The following NUP188 variants were observed in gnomAD, a reference collection of about 807,000 sequenced individuals.
NUP188 encodes the protein nucleoporin NUP188.
Under a neutral mutation model 223.0 loss-of-function variants are expected in NUP188, and 97 were observed. The observed-to-expected ratio is 0.43, with a 90% CI of 0.37 to 0.51. The LOEUF (loss-of-function observed/expected upper bound fraction) is 0.51. NUP188 is among the 20% of genes least tolerant of loss of function. The pLI, the probability that NUP188 is intolerant of heterozygous loss-of-function variation, is 0.00. For missense variants in NUP188, 1,947 were observed against 2,175.6 expected (o/e 0.89, Z 2.09); for synonymous variants, 869 against 828.0 (o/e 1.05, Z -0.85).
At chr9:128,994,254 A>G (rs1164572048) in intron 27 of NUP188, 119 bp from the exon 28 acceptor site, 3 of 711,986 alleles carry the variant, frequency 4.2e-6, no homozygotes, top group Non-Finnish European at 7.6e-6. Context: ...GACTTATCAG[A>G]CACATATTAG....
At position 128,983,522 on chromosome 9, in the gene NUP188, C is replaced by T. The variant is rs1842286782; in HGVS notation, c.1933C>T (p.Pro645Ser). The T allele has an allele frequency of 1.2e-6, 2 of 1,613,966 alleles. No homozygotes were observed. The highest frequency in any genetic ancestry group is 1.7e-6 in the Non-Finnish European group (2 of 1,180,000). The change falls in exon 19 of 44, where the codon CCT becomes TCT. Residue 645 changes from proline (P) to serine (S), a missense_variant. Coordinates refer to ENST00000372577, the MANE Select transcript of NUP188 (RefSeq NM_015354.3). ...HTGFLPFVAH[P>S]VSSLSQMISA... ...AGGTTTTTTACCATTTGTGGCCCAT[C>T]CTGTCTCCAGCCTGAGTCAGATGAT...
Position 128,998,601 on chromosome 9 carries a change from A to G in NUP188, c.3493A>G (p.Ile1165Val). The change falls in exon 32 of 44, where the codon ATC becomes GTC. Residue 1165 changes from isoleucine (I) to valine (V), a missense_variant. Around this residue, in one of 3 missense-constraint regions of NUP188, gnomAD observed 905 missense variants for 990.6 expected, o/e 0.91. Coordinates refer to ENST00000372577, the MANE Select transcript of NUP188 (RefSeq NM_015354.3). ...CTCCATGAAGTGCACTCTGCTGCTT[A>G]TCCTCCTCCGGCAGTGGAAGAGGTG... is the stretch of plus-strand genomic sequence containing the variant. ...LGSMKCTLLL[I>V]LLRQWKRELG... The G allele has an allele frequency of 6.2e-7, 1 of 1,614,148 alleles. No homozygotes were observed. The highest frequency in any genetic ancestry group is 8.5e-7 in the Non-Finnish European group (1 of 1,180,026).
intron 5 of NUP188, 56 bp downstream of exon 5, chr9:128,957,088 T>C (rs1313115664): frequency 7.8e-7 from 1 of 1,278,314 alleles, no homozygotes; most frequent in African/African-American, 1.5e-5. Context: ...CCCTGTTGGT[T>C]TTAGATAATG....
chr9:128,952,961 TA>T, intron 3 of NUP188, 115 bp downstream of exon 3: 2 of 824,008 alleles, frequency 2.4e-6, no homozygotes, highest in Non-Finnish European at 3.9e-6. Flanking sequence ...CCAGAGATAA[TA>T]CAATTTAGTT....
Position 128,995,299 on chromosome 9 carries a change from G to GT in NUP188, c.3156-14dup, listed in dbSNP as rs1564564779. ...ATCTGCTTTCAAAATCTAACTGGAG[G>GT]TTTTTTCTTGACACTGTAGGGGTTC... On this transcript the variant is annotated intron_variant, in intron 29 of 43. Transcript: ENST00000372577. 4 of 1,600,752 alleles carry GT rather than the reference G, an allele frequency of 2.5e-6. No homozygotes were observed. The highest frequency in any genetic ancestry group is 2.2e-5 in the East Asian group (1 of 44,812).
rs566637040 is a variant in NUP188, at chr9:128,994,358, T to G, written c.3018-15T>G. ...GGGAAAAAGTTATGATTTCAAACATTTATTTCCTTTTTAGACCCAAGTTTT... is the reference window on the plus strand; with the variant it reads ...GGGAAAAAGTTATGATTTCAAACATGTATTTCCTTTTTAGACCCAAGTTTT... On this transcript the variant is annotated splice_polypyrimidine_tract_variant and intron_variant, in intron 27 of 43. Coordinates refer to ENST00000372577, the MANE Select transcript of NUP188 (RefSeq NM_015354.3). 1.3e-6 allele frequency: 2 copies of G among 1,581,810 alleles called. No homozygotes were observed. The highest frequency in any genetic ancestry group is 2.2e-5 in the East Asian group (1 of 44,682).
chr9:128,980,659 C>T lies in NUP188; in HGVS notation c.1323C>T (p.Pro441=). The change falls in exon 14 of 44, where the codon CCC becomes CCT. Residue 441 remains proline, a synonymous_variant. Transcript: ENST00000372577. ...TGGACAGTGTGTGTGGAATGTTTCCCCACCTTCTCTCCCCACTCCTGCAAC... is the reference window on the plus strand; with the variant it reads ...TGGACAGTGTGTGTGGAATGTTTCCTCACCTTCTCTCCCCACTCCTGCAAC... ...IILDSVCGMF[P]HLLSPLLQLL... is the part of the protein sequence containing the mutation. 6.2e-7 allele frequency: 1 copy of T among 1,614,060 alleles called. No individual in the cohort carries two copies. Among genetic ancestry groups the T allele is most frequent in the Non-Finnish European group, 8.5e-7 (1 of 1,179,976 alleles).
At chr9:128,984,547 A>C (rs566039424) in intron 19 of NUP188, among the ~76,000 whole-genome samples, 1 of 152,160 alleles carries the variant, frequency 6.6e-6, no homozygotes, top group Non-Finnish European at 1.5e-5. Context: ...TTAAGCCACA[A>C]TCACTCTGTA....
At chr9:129,004,985 A>G in intron 38 of NUP188, 162 bp from the exon 39 acceptor site, 1 of 649,590 alleles carries the variant, frequency 1.5e-6, no homozygotes, top group Non-Finnish European at 2.8e-6. Context: ...GGGGAGCATG[A>G]GGGAAGGAGG....
chr9:128,994,271 G>T (rs1842480400), intron 27 of NUP188, 102 bp from the exon 28 acceptor site: 1 of 787,672 alleles, frequency 1.3e-6, no homozygotes, highest in South Asian at 1.5e-5. Flanking sequence ...TTAGGATTGA[G>T]ACTGGTAAAA....
intron 38 of NUP188, 107 bp downstream of exon 38, chr9:129,003,561 G>A (rs553464952): frequency 1.4e-5 from 19 of 1,339,354 alleles, no homozygotes; most frequent in Middle Eastern, 1.8e-4. Context: ...GTTCCTGAAC[G>A]GGGGCTTTTC....
chr9:128,968,194 A>G (rs1198128006), intron 8 of NUP188, among the ~76,000 whole-genome samples: 4 of 152,156 alleles, frequency 2.6e-5, no homozygotes, highest in Non-Finnish European at 2.9e-5. Flanking sequence ...GCCATAAGCT[A>G]TAATTGTACT....
At chr9:128,992,295 C>A (rs1842447379) in intron 25 of NUP188, among the ~76,000 whole-genome samples, 1 of 152,080 alleles carries the variant, frequency 6.6e-6, no homozygotes, top group Non-Finnish European at 1.5e-5. Context: ...CAGGTTCATG[C>A]GATTCTCCTG....
chr9:128,958,885 C>T lies in NUP188; in HGVS notation c.456C>T (p.His152=), dbSNP rs17481212. The change falls in exon 7 of 44, where the codon CAC becomes CAT. Residue 152 remains histidine, a synonymous_variant. Coordinates refer to ENST00000372577, the MANE Select transcript of NUP188 (RefSeq NM_015354.3). ...TCACTTACTTCCAAGATGAAAGACA[C>T]CCCTATAGGGTAAGCTTGTTTAGTC... ...HLLTYFQDER[H]PYRVEYADCV... is the part of the protein sequence containing the mutation. The T allele has an allele frequency of 3.6e-4, 576 of 1,594,000 alleles. 3 individuals carry two copies. The East Asian group carries it at 9.9e-3, about 28-fold the overall frequency.
At chr9:129,001,399 G>C in intron 34 of NUP188, 130 bp from the exon 35 acceptor site, 1 of 738,472 alleles carries the variant, frequency 1.4e-6, no homozygotes. Context: ...TGTGCATTCT[G>C]TGTTACTCAA....
At chr9:128,983,596 C>A in intron 19 of NUP188, 46 bp downstream of exon 19, 1 of 1,265,840 alleles carries the variant, frequency 7.9e-7, no homozygotes, top group Non-Finnish European at 1.2e-6. Context: ...TAGTGAGAAC[C>A]ACATATGTCT....
intron 34 of NUP188, among the ~76,000 whole-genome samples, chr9:129,000,199 C>T (rs1842616272): frequency 6.6e-6 from 1 of 151,838 alleles, no homozygotes; most frequent in Admixed American, 6.6e-5. Flanking sequence ...TCAAGCCATC[C>T]TCCCAGTTCA....
intron 8 of NUP188, among the ~76,000 whole-genome samples, chr9:128,963,738 T>G (rs1841986448): frequency 6.6e-6 from 1 of 151,768 alleles, no homozygotes. Flanking sequence ...ACTCCTGGAT[T>G]CAAGTGATCC....
At chr9:128,980,192 G>T (rs1355507358) in intron 13 of NUP188, among the ~76,000 whole-genome samples, 2 of 152,178 alleles carry the variant, frequency 1.3e-5, no homozygotes, top group Non-Finnish European at 2.9e-5. Context: ...GTAAGATGCT[G>T]TCTGATGTTA....
Sources: allele counts gnomAD v4.1 joint callset (sites outside exome capture counted in the v4.1 genomes callset), GRCh38; gene constraint gnomAD v4.1.1; regional missense constraint gnomAD v4.1.1; transcripts MANE v1.5; gene names NCBI Gene and HGNC (gene_info 2026-07-23, HGNC 2026-07-21).